Variants in PARD3B observed in about 807,000 individuals in gnomAD.
PARD3B encodes par-3 family cell polarity regulator beta.
A neutral mutation model predicts 130.2 loss-of-function variants in PARD3B; 103 were observed. The ratio of observed to expected loss-of-function variants is 0.79; its 90% CI spans 0.67 to 0.93. The LOEUF (loss-of-function observed/expected upper bound fraction) is 0.93, where lower values mean the gene tolerates loss of function less well. Ranked by LOEUF, PARD3B falls within the 40% of genes least tolerant of loss-of-function variation. The pLI is 0.00. For missense variants in PARD3B, 1,609 were observed against 1,499.2 expected (o/e 1.07, Z -1.21); for synonymous variants, 583 against 553.2 (o/e 1.05, Z -0.76).
rs1192994772 is a variant in PARD3B at position 205,021,856 on chromosome 2, T to C, written c.395-25725T>C. The stretch of plus-strand genomic sequence containing the variant: ...TAGCACTGGTTTTATTCCTACACTT[T>C]ACCCCCTCCATTGTAAGGGTACTAA... On this transcript the variant is annotated intron_variant, in intron 3 of 22. Transcript: ENST00000406610. This position sits in a 1 kb window ranked among gnomAD's most constrained non-coding sequence, Gnocchi z 4.5. Among the ~76,000 whole-genome samples the C allele has an allele frequency of 6.6e-6, 1 of 152,100 alleles. No homozygotes were observed.
chr2:205,578,161 C>T (rs759681258), intron 22 of PARD3B, among the ~76,000 whole-genome samples: 8 of 152,150 alleles, frequency 5.3e-5, no homozygotes, highest in Non-Finnish European at 7.4e-5. Context: ...GCAACATCTG[C>T]CCCAGGAATT....
intron 18 of PARD3B, among the ~76,000 whole-genome samples, chr2:205,312,235 G>A (rs1460433269): frequency 6.6e-6 from 1 of 152,148 alleles, no homozygotes; most frequent in Non-Finnish European, 1.5e-5. Flanking sequence ...GGGTAACTGA[G>A]CCAATGTAGC....
chr2:205,100,846 G>C (rs1702727158), intron 4 of PARD3B, among the ~76,000 whole-genome samples: 1 of 152,086 alleles, frequency 6.6e-6, no homozygotes. Flanking sequence ...AACTCAAAAT[G>C]ATAATAGGCC....
At chr2:204,804,188 C>G (rs1211354888) in intron 2 of PARD3B, among the ~76,000 whole-genome samples, 3 of 151,996 alleles carry the variant, frequency 2.0e-5, no homozygotes, top group African/African-American at 7.2e-5. Flanking sequence ...AAAATCACAC[C>G]ATTATACTCC....
chr2:205,438,069 T>C (rs1381906398), intron 19 of PARD3B, among the ~76,000 whole-genome samples: 2 of 152,116 alleles, frequency 1.3e-5, no homozygotes, highest in East Asian at 3.9e-4. Context: ...GACCCTGATA[T>C]ATGACATAAT....
intron 2 of PARD3B, among the ~76,000 whole-genome samples, chr2:204,778,554 C>A (rs1011941755): frequency 6.6e-6 from 1 of 151,972 alleles, no homozygotes; most frequent in Non-Finnish European, 1.5e-5. Context: ...GTGTAAAGTG[C>A]AGTATTGGAT....
At chr2:205,168,312 A>AGTGTGTGT (rs1302070996) in intron 11 of PARD3B, among the ~76,000 whole-genome samples, 40 of 116,800 alleles carry the variant, frequency 3.4e-4, no homozygotes, top group South Asian at 1.6e-3. Context: ...AGAGAGAGAG[A>AGTGTGTGT]GAGAGAGAGT....
chr2:204,953,076 GGAGA>G (rs912394085), intron 2 of PARD3B, among the ~76,000 whole-genome samples: 5 of 127,894 alleles, frequency 3.9e-5, no homozygotes, highest in African/African-American at 5.8e-5. Context: ...AGAGAGAGAG[GGAGA>G]GAGAGAGACA....
At chr2:205,304,399 G>A (rs1162358374) in intron 18 of PARD3B, among the ~76,000 whole-genome samples, 1 of 152,126 alleles carries the variant, frequency 6.6e-6, no homozygotes, top group African/African-American at 2.4e-5. Flanking sequence ...ACTTTGGGAG[G>A]CCAAGACGGG....
At chr2:205,431,606 A>T (rs777233654) in intron 19 of PARD3B, among the ~76,000 whole-genome samples, 1 of 151,484 alleles carries the variant, frequency 6.6e-6, no homozygotes, top group Non-Finnish European at 1.5e-5. Context: ...AGTAGCTGGG[A>T]CTATAGGCGT....
chr2:204,819,914 C>A (rs2043278420), intron 2 of PARD3B, among the ~76,000 whole-genome samples: 1 of 152,020 alleles, frequency 6.6e-6, no homozygotes, highest in Admixed American at 6.6e-5. Flanking sequence ...AAGTTGGAAG[C>A]TAGCAGAGGG....
chr2:205,541,613 G>A (rs1320094558), intron 21 of PARD3B, among the ~76,000 whole-genome samples: 3 of 152,120 alleles, frequency 2.0e-5, no homozygotes, highest in African/African-American at 7.2e-5. Context: ...CTCCCAAAGT[G>A]CTGGGATTAC....
Position 205,230,872 on chromosome 2 carries a change from G to T in PARD3B, c.2141-14906G>T, listed in dbSNP as rs1289927878. 6.6e-6 allele frequency among the ~76,000 whole-genome samples: 1 copy of T among 152,024 alleles called. No homozygotes were observed. Among genetic ancestry groups the T allele is most frequent in the African/African-American group, 2.4e-5 (1 of 41,406 alleles). ...CTGAGTGCTCCCTCCATGGACTCTGGCTGTGTTCTGCCTGGTGTTGCTTTC... is the reference window on the plus strand; with the variant it reads ...CTGAGTGCTCCCTCCATGGACTCTGTCTGTGTTCTGCCTGGTGTTGCTTTC... On this transcript the variant is annotated intron_variant, in intron 15 of 22. Coordinates refer to ENST00000406610, the MANE Select transcript of PARD3B (RefSeq NM_001302769.2). The surrounding 1 kb of genome is among the most constrained non-coding windows in gnomAD (Gnocchi z 4.1).
chr2:204,747,669 T>C (rs112920027), intron 2 of PARD3B, among the ~76,000 whole-genome samples: 2,451 of 152,220 alleles, frequency 0.016, 33 homozygotes, highest in African/African-American at 0.038. Flanking sequence ...GCTACCTGAC[T>C]TCAAACTATA....
At chr2:204,892,070 G>A (rs534033032) in intron 2 of PARD3B, among the ~76,000 whole-genome samples, 51 of 152,138 alleles carry the variant, frequency 3.4e-4, no homozygotes, top group Non-Finnish European at 5.3e-4. Flanking sequence ...TATAACACAG[G>A]TAATGATAAG....
chr2:204,779,081 C>G (rs1394384477), intron 2 of PARD3B, among the ~76,000 whole-genome samples: 1 of 152,160 alleles, frequency 6.6e-6, no homozygotes. Context: ...ATCTGCACTT[C>G]TATTACCTGC....
At chr2:205,424,699 A>G (rs1322995376) in intron 19 of PARD3B, among the ~76,000 whole-genome samples, 1 of 152,170 alleles carries the variant, frequency 6.6e-6, no homozygotes, top group African/African-American at 2.4e-5. Flanking sequence ...TTTCCTCTTC[A>G]GGAAGTTTAT....
chr2:204,780,430 A>G (rs1270544823), intron 2 of PARD3B, among the ~76,000 whole-genome samples: 1 of 152,232 alleles, frequency 6.6e-6, no homozygotes, highest in Non-Finnish European at 1.5e-5. Flanking sequence ...GAAAGCCTGC[A>G]TGAAACAGAT....
At chr2:204,680,999 ATCT>A (rs956129696) in intron 1 of PARD3B, among the ~76,000 whole-genome samples, 2 of 152,088 alleles carry the variant, frequency 1.3e-5, no homozygotes, top group Non-Finnish European at 2.9e-5. Flanking sequence ...GATGATTTAT[ATCT>A]TCTTCAATTT....
Sources: allele counts gnomAD v4.1 joint callset (sites outside exome capture counted in the v4.1 genomes callset), GRCh38; gene constraint gnomAD v4.1.1; non-coding constraint Gnocchi (gnomAD v3.1); transcripts MANE v1.5; gene names NCBI Gene and HGNC (gene_info 2026-07-23, HGNC 2026-07-21).